The following TENM1 variants were observed in gnomAD, a reference collection of about 807,000 sequenced individuals.
TENM1 encodes teneurin transmembrane protein 1.
In TENM1, 35 loss-of-function variants were observed where a neutral mutation model predicts 174.8. The ratio of observed to expected loss-of-function variants is 0.20; its 90% CI spans 0.15 to 0.27. The LOEUF (loss-of-function observed/expected upper bound fraction) is 0.27. Among genes scored for constraint, TENM1 ranks in the 10% least tolerant of loss-of-function variants. TENM1 has a pLI of 1.00. For synonymous variants in TENM1, 781 were observed against 798.7 expected (o/e 0.98, Z 0.37); for missense variants, 1,633 against 2,130.1 (o/e 0.77, Z 4.59).
intron 15 of TENM1, among the ~76,000 whole-genome samples, chrX:124,535,194 C>G (rs1037503357): frequency 1.8e-5 from 2 of 111,428 alleles, no homozygotes; most frequent in Admixed American, 1.9e-4. Context: ...TTTAGTAGGT[C>G]TGGTGTTGGA....
At chrX:124,414,361 A>C (rs1251669834) in intron 25 of TENM1, among the ~76,000 whole-genome samples, 1 of 111,483 alleles carries the variant, frequency 9.0e-6, no homozygotes, top group Non-Finnish European at 1.9e-5. Flanking sequence ...TGCCAGGGAA[A>C]CAAGCAAGGG....
intron 11 of TENM1, among the ~76,000 whole-genome samples, chrX:124,630,875 T>A (rs2050739197): frequency 8.9e-6 from 1 of 112,240 alleles, no homozygotes; most frequent in South Asian, 3.7e-4. Flanking sequence ...CTAGCCAGGT[T>A]TCATGTGGGT....
rs762427323 is a variant in TENM1, at chrX:124,380,551, T to A, written c.8184A>T (p.Glu2728Asp). 8 of 1,195,819 alleles carry A rather than the reference T, an allele frequency of 6.7e-6. No individual in the cohort carries two copies. In the African/African-American group the frequency reaches 1.1e-4, roughly 16 times the overall value. Residue 2728 changes from glutamate to aspartate, a missense_variant, in exon 32 of 32, where the codon GAA becomes GAT. Physicochemically the swap from Glu to Asp is conservative, Grantham distance 45. Transcript: ENST00000422452. Reference sequence around the variant, plus strand: ...GATATTTTTGTTACCTCCTGCCTATTTCGCTCTGTCTCATAAAGTGAATAT... The same window carrying A: ...GATATTTTTGTTACCTCCTGCCTATATCGCTCTGTCTCATAAAGTGAATAT...
chrX:124,582,601 G>A (rs1034724556), intron 11 of TENM1, among the ~76,000 whole-genome samples: 1 of 112,152 alleles, frequency 8.9e-6, no homozygotes, highest in African/African-American at 3.2e-5. Context: ...CTCCCAGCGT[G>A]AGCGACACAG....
At chrX:124,439,702 T>C (rs2060883179) in intron 23 of TENM1, among the ~76,000 whole-genome samples, 1 of 111,631 alleles carries the variant, frequency 9.0e-6, no homozygotes, top group African/African-American at 3.3e-5. Context: ...AACTTCTTGG[T>C]CCCTTTTAGT....
At chrX:124,886,912 G>A (rs1174979731) in intron 3 of TENM1, among the ~76,000 whole-genome samples, 1 of 109,301 alleles carries the variant, frequency 9.1e-6, no homozygotes, top group Non-Finnish European at 1.9e-5. Flanking sequence ...ACAAATAATA[G>A]CAAGAAGAAA....
At chrX:124,707,000 T>C (rs1428107176) in intron 4 of TENM1, among the ~76,000 whole-genome samples, 3 of 104,196 alleles carry the variant, frequency 2.9e-5, no homozygotes, top group Non-Finnish European at 3.9e-5. Context: ...CAGGCTGTAG[T>C]ACAGTGGCAC....
chrX:124,415,003 C>G lies in TENM1; in HGVS notation c.4982+5308G>C, dbSNP rs185286495. ...AATTACTCGAGTTCTTTTAGGAGGG[C>G]CTGGTATCAGTGGTATAGCAGCCTT... On this transcript the variant is annotated intron_variant, in intron 25 of 31. Coordinates refer to ENST00000422452, the Ensembl canonical transcript of TENM1. Among the ~76,000 whole-genome samples the G allele has an allele frequency of 4.1e-4, 46 of 111,745 alleles. No homozygotes were observed. The East Asian group carries it at 0.013, about 32-fold the overall frequency.
rs146305963 is a variant in TENM1 at position 124,811,706 on chromosome X, T to C, written c.536-74509A>G. ...ATAAAATCAGTATGGCAAAGAGATA[T>C]CTACACTCCCATGTTCATTGCAGCA... On this transcript the variant is annotated intron_variant, in intron 3 of 31. Coordinates refer to ENST00000422452, the Ensembl canonical transcript of TENM1. 8.1e-4 allele frequency among the ~76,000 whole-genome samples: 90 copies of C among 111,573 alleles called. 1 individual carries two copies. The highest frequency in any genetic ancestry group is 2.9e-3 in the African/African-American group (88 of 30,814).
chrX:124,724,073 T>C (rs1421563577), intron 4 of TENM1, among the ~76,000 whole-genome samples: 4 of 112,443 alleles, frequency 3.6e-5, no homozygotes, highest in Non-Finnish European at 7.5e-5. Context: ...TCTCTATTTA[T>C]TCCTTTCCTT....
At chrX:124,904,661 A>T (rs1296340355) in intron 1 of TENM1, among the ~76,000 whole-genome samples, 3 of 112,493 alleles carry the variant, frequency 2.7e-5, no homozygotes, top group Non-Finnish European at 5.6e-5. Context: ...ACTAATGGAG[A>T]ACAAGTACTC....
intron 3 of TENM1, among the ~76,000 whole-genome samples, chrX:124,876,420 T>C (rs1231294779): frequency 9.0e-6 from 1 of 111,660 alleles, no homozygotes; most frequent in African/African-American, 3.3e-5. Flanking sequence ...TTTTCTGTTA[T>C]ATTGCTGGAC....
chrX:124,953,503 G>A (rs1196407882), intron 1 of TENM1, among the ~76,000 whole-genome samples: 1 of 111,395 alleles, frequency 9.0e-6, no homozygotes, highest in African/African-American at 3.3e-5. Flanking sequence ...TTACTGACCC[G>A]TGTCTCTGCC....
intron 27 of TENM1, among the ~76,000 whole-genome samples, chrX:124,397,444 C>G (rs1234990922): frequency 2.7e-5 from 3 of 111,725 alleles, no homozygotes; most frequent in Non-Finnish European, 5.6e-5. Context: ...ATTTTCTCCC[C>G]TCCTTAAGGA....
At chrX:124,465,512 A>C (rs930945395) in intron 22 of TENM1, among the ~76,000 whole-genome samples, 3 of 111,666 alleles carry the variant, frequency 2.7e-5, no homozygotes, top group African/African-American at 9.8e-5. Context: ...TTGACCTCCC[A>C]AATCTTTGGG....
At chrX:124,824,321 A>AATAACTCAGTTAT (rs1192534046) in intron 3 of TENM1, among the ~76,000 whole-genome samples, 2 of 112,317 alleles carry the variant, frequency 1.8e-5, no homozygotes, top group Non-Finnish European at 3.8e-5. Context: ...CAGCTGATTA[A>AATAACTCAGTTAT]TGGTAAATGA....
At chrX:124,917,259 C>T (rs1010561272) in intron 1 of TENM1, among the ~76,000 whole-genome samples, 1 of 111,626 alleles carries the variant, frequency 9.0e-6, no homozygotes, top group South Asian at 3.8e-4. Flanking sequence ...ATGACTCCAA[C>T]CTGTGTTCCA....
intron 3 of TENM1, among the ~76,000 whole-genome samples, chrX:124,877,105 A>T (rs1361211302): frequency 1.8e-5 from 2 of 112,444 alleles, no homozygotes; most frequent in East Asian, 5.6e-4. Context: ...TCCAGTTAAA[A>T]AATTATAATT....
At chrX:124,750,579 T>A (rs1340027282) in intron 3 of TENM1, among the ~76,000 whole-genome samples, 1 of 111,422 alleles carries the variant, frequency 9.0e-6, no homozygotes, top group South Asian at 3.7e-4. Flanking sequence ...AAAAAAAGAG[T>A]CATTATTGTT....
Sources: allele counts gnomAD v4.1 joint callset (sites outside exome capture counted in the v4.1 genomes callset), GRCh38; gene constraint gnomAD v4.1.1; transcripts MANE v1.5; gene names NCBI Gene and HGNC (gene_info 2026-07-23, HGNC 2026-07-21).